THEMIS2: variants seen among roughly 807,000 people sequenced by gnomAD.
THEMIS2 encodes the protein protein THEMIS2.
In THEMIS2, 29 loss-of-function variants were observed where a neutral mutation model predicts 46.8. The observed-to-expected ratio is 0.62, with a 90% confidence interval of 0.46 to 0.84. The LOEUF (loss-of-function observed/expected upper bound fraction) is 0.84, where lower values mean the gene tolerates loss of function less well. Among genes scored for constraint, THEMIS2 ranks in the 40% least tolerant of loss-of-function variants. The pLI is 0.00. For synonymous variants in THEMIS2, 335 were observed against 349.1 expected (o/e 0.96, Z 0.45); for missense variants, 698 against 834.7 (o/e 0.84, Z 2.02).
chr1:27,882,535 A>G lies in THEMIS2; in HGVS notation c.1211A>G (p.Glu404Gly), dbSNP rs1571589261. 6.2e-7 allele frequency: 1 copy of G among 1,613,878 alleles called. No individual in the cohort carries two copies. Among genetic ancestry groups the G allele is most frequent in the Non-Finnish European group, 8.5e-7 (1 of 1,179,926 alleles). The change falls in exon 4 of 6, where the codon GAG (glutamate) becomes GGG (glycine). Residue 404 changes from glutamate to glycine, a missense_variant. Glu to Gly is a moderately conservative substitution (Grantham distance 98). Transcript: ENST00000373921. This position sits in a 1 kb window ranked among gnomAD's most constrained non-coding sequence, Gnocchi z 7.6. Reference protein sequence around the residue: ...VCQRLSDQAGEDEEEECKEEA... With the variant: ...VCQRLSDQAGGDEEEECKEEA... ...CAGCGGCTGAGTGACCAGGCTGGGGAGGATGAGGAGGAAGAGTGCAAAGAG... is the reference window on the plus strand; with the variant it reads ...CAGCGGCTGAGTGACCAGGCTGGGGGGGATGAGGAGGAAGAGTGCAAAGAG...
Position 27,882,316 on chromosome 1 carries a change from T to C in THEMIS2, c.992T>C (p.Phe331Ser). ...QGKLRRRPRE[F>S]PTAYDLLGAF... ...AAGCTGCGGCGGCGGCCAAGGGAGT[T>C]CCCCACGGCCTATGACCTCCTAGGT... is the stretch of plus-strand genomic sequence containing the variant. The change falls in exon 4 of 6, where the codon TTC (phenylalanine) becomes TCC (serine). Residue 331 changes from phenylalanine to serine, a missense_variant. Physicochemically the swap from Phe to Ser is radical, Grantham distance 155 (BLOSUM62 -2). Transcript: ENST00000373921. This position sits in a 1 kb window ranked among gnomAD's most constrained non-coding sequence, Gnocchi z 7.6. 1.3e-6 allele frequency: 2 copies of C among 1,594,234 alleles called. No individual in the cohort carries two copies. Among genetic ancestry groups the C allele is most frequent in the Non-Finnish European group, 1.7e-6 (2 of 1,168,890 alleles).
rs547985559 is a variant in THEMIS2, at chr1:27,876,583, C to T, written c.95-5C>T. 36 of 1,613,250 alleles carry T rather than the reference C, an allele frequency of 2.2e-5. No individual in the cohort carries two copies. Among genetic ancestry groups the T allele is most frequent in the South Asian group, 3.3e-5 (3 of 90,904 alleles). On this transcript the variant is annotated splice_region_variant and splice_polypyrimidine_tract_variant and intron_variant, in intron 1 of 5. Coordinates refer to ENST00000373921, the MANE Select transcript of THEMIS2 (RefSeq NM_001105556.3). ...AATGGGGAAATGGAGTCCTTGTCTCCGCAGGCTCCATCTATGAGATCTCTG... is the reference window on the plus strand; with the variant it reads ...AATGGGGAAATGGAGTCCTTGTCTCTGCAGGCTCCATCTATGAGATCTCTG...
In THEMIS2 at chr1:27,886,019, A is replaced by G. The variant is rs2089765590; in HGVS notation, c.*97A>G. 1.7e-6 allele frequency: 2 copies of G among 1,173,678 alleles called. No homozygotes were observed. The highest frequency in any genetic ancestry group is 2.5e-6 in the Non-Finnish European group (2 of 789,640). The allele number at this position is 1,173,678 out of a possible 1,614,324, so 72.7% of individuals were successfully genotyped here. ...CTAAAAGACCTCGGGCAAGTCTCAC[A>G]GAAACTGAGCTGCAGACGGGGAGTA... On this transcript the variant is annotated 3_prime_UTR_variant, in exon 6 of 6. Coordinates refer to ENST00000373921, the MANE Select transcript of THEMIS2 (RefSeq NM_001105556.3).
At position 27,872,578 on chromosome 1, in the gene THEMIS2, C is replaced by G. The variant is rs1422209548; in HGVS notation, c.7C>G (p.Pro3Ala). 3 of 1,489,034 alleles carry G rather than the reference C, an allele frequency of 2.0e-6. No homozygotes were observed. The highest frequency in any genetic ancestry group is 4.4e-5 in the Admixed American group (2 of 45,394). 92.2% of individuals were successfully genotyped at this position (1,489,034 alleles called of 1,614,324 possible). A position where few individuals can be genotyped will look rare whatever the true frequency, so the allele number is the denominator to read the frequency against. The change falls in exon 1 of 6, where the codon CCG (proline) becomes GCG (alanine). Residue 3 changes from proline (P) to alanine (A), a missense_variant. Transcript: ENST00000373921. This position sits in a 1 kb window ranked among gnomAD's most constrained non-coding sequence, Gnocchi z 4.9. ...CCAGAGAGCCGCGGGGACCATGGAG[C>G]CGGTGCCGCTGCAGGACTTCGTGCG... is the stretch of plus-strand genomic sequence containing the variant. MEPVPLQDFVRAL... is the reference protein window; with the variant it reads MEAVPLQDFVRAL...
intron 2 of THEMIS2, among the ~76,000 whole-genome samples, chr1:27,878,015 T>TG (rs1330892214): frequency 2.8e-5 from 4 of 144,496 alleles, no homozygotes; most frequent in Admixed American, 1.4e-4. Flanking sequence ...CTAGGGGTGG[T>TG]GGGGGGCACC....
At chr1:27,876,475 A>T (rs2089581376) in intron 1 of THEMIS2, 113 bp from the exon 2 acceptor site, 2 of 1,319,942 alleles carry the variant, frequency 1.5e-6, no homozygotes, top group African/African-American at 2.9e-5. Flanking sequence ...CATGCCAGGC[A>T]GCAGGCACCA....
chr1:27,875,973 A>G (rs1287965448), intron 1 of THEMIS2, among the ~76,000 whole-genome samples: 2 of 152,014 alleles, frequency 1.3e-5, no homozygotes, highest in Non-Finnish European at 2.9e-5. Flanking sequence ...AAGTGCTGGG[A>G]TTACAGGCGT....
chr1:27,875,802 G>T (rs193132080), intron 1 of THEMIS2, among the ~76,000 whole-genome samples: 2 of 151,952 alleles, frequency 1.3e-5, no homozygotes, highest in East Asian at 1.9e-4. Context: ...CCGGGTTCAC[G>T]CCATTCTCCT....
At chr1:27,885,149 A>T in intron 4 of THEMIS2, 146 bp from the exon 5 acceptor site, 1 of 787,028 alleles carries the variant, frequency 1.3e-6, no homozygotes, top group Non-Finnish European at 2.0e-6. Context: ...TGTAGCAAAA[A>T]CACCAGGGGT....
chr1:27,884,260 CCA>C (rs1244121921), intron 4 of THEMIS2: 1 of 152,294 alleles, frequency 6.6e-6, no homozygotes, highest in Non-Finnish European at 1.5e-5. Flanking sequence ...TTGGGTCTGA[CCA>C]CACAGCCTGA....
chr1:27,881,140 A>T (rs2089671368), intron 3 of THEMIS2, among the ~76,000 whole-genome samples: 1 of 152,038 alleles, frequency 6.6e-6, no homozygotes, highest in Admixed American at 6.5e-5. Context: ...GAAAAAAAAT[A>T]AAAATAGTAA....
At chr1:27,876,865 A>C (rs1571578716) in intron 2 of THEMIS2, 137 bp downstream of exon 2, 5 of 1,083,620 alleles carry the variant, frequency 4.6e-6, no homozygotes, top group African/African-American at 1.6e-5. Flanking sequence ...ATTCACCACA[A>C]CCCAGCCTCA....
chr1:27,884,022 G>GA (rs1339865405), intron 4 of THEMIS2: 1 of 151,976 alleles, frequency 6.6e-6, no homozygotes. Context: ...ACTCCTCCGA[G>GA]CGTCCTTTTT....
intron 2 of THEMIS2, among the ~76,000 whole-genome samples, chr1:27,878,465 G>A (rs543164798): frequency 1.5e-4 from 23 of 149,920 alleles, no homozygotes; most frequent in Non-Finnish European, 1.5e-4. Flanking sequence ...CATTACAGGC[G>A]TGAGCCAGTG....
chr1:27,884,285 CGTG>C (rs1557454873), intron 4 of THEMIS2: 1 of 152,252 alleles, frequency 6.6e-6, no homozygotes, highest in African/African-American at 2.4e-5. Context: ...TTCTAACTAC[CGTG>C]GTCTGCTGAG....
chr1:27,884,370 C>T lies in THEMIS2; in HGVS notation c.1720-925C>T, dbSNP rs114886419. ...TCTTGTTTTGGGATCTTGGGTGACT[C>T]GTATTTAATCACGTGTGGTAGGCAG... On this transcript the variant is annotated intron_variant, in intron 4 of 5. Transcript: ENST00000373921. 3.2e-3 allele frequency: 486 copies of T among 152,330 alleles called. 1 individual carries two copies. The highest frequency in any genetic ancestry group is 0.01 in the African/African-American group (435 of 41,546). The allele number at this position is 152,330 out of a possible 1,614,324, so 9.4% of individuals were successfully genotyped here.
rs373684077 is a variant in THEMIS2, at chr1:27,885,408, C to G, written c.1833C>G (p.His611Gln). The change falls in exon 5 of 6, where the codon CAC becomes CAG. Residue 611 changes from histidine (H) to glutamine (Q), a missense_variant. Physicochemically the swap from His to Gln is conservative, Grantham distance 24. Coordinates refer to ENST00000373921, the MANE Select transcript of THEMIS2 (RefSeq NM_001105556.3). ...GTACGTACAGCAAGATTCCTGCCCA[C>G]AGGAAGGGCCACAGGCCCGCTAAGC... ...GSSTYSKIPA[H>Q]RKGHRPAKPQ... 8.0e-5 allele frequency: 129 copies of G among 1,614,050 alleles called. No individual in the cohort carries two copies. The highest frequency in any genetic ancestry group is 1.0e-4 in the Non-Finnish European group (122 of 1,180,022).
At chr1:27,876,292 C>T (rs933736562) in intron 1 of THEMIS2, among the ~76,000 whole-genome samples, 2 of 152,014 alleles carry the variant, frequency 1.3e-5, no homozygotes, top group Admixed American at 6.6e-5. Flanking sequence ...CCTGTGCTGG[C>T]TGCAGTGATG....
rs1260211150 is a variant in THEMIS2 at position 27,882,575 on chromosome 1, A to G, written c.1251A>G (p.Pro417=). 6.2e-7 allele frequency: 1 copy of G among 1,614,032 alleles called. No homozygotes were observed. Among genetic ancestry groups the G allele is most frequent in the Non-Finnish European group, 8.5e-7 (1 of 1,180,030 alleles). Residue 417 remains proline (P), a synonymous_variant, in exon 4 of 6, where the codon CCA becomes CCG. Transcript: ENST00000373921. The surrounding 1 kb of genome is among the most constrained non-coding windows in gnomAD (Gnocchi z 7.6). The part of the protein sequence containing the change: ...EEECKEEAES[P]ERVLLPFHFP... ...AGTGCAAAGAGGAGGCAGAGAGCCC[A>G]GAGCGGGTCCTGCTGCCCTTCCACT...
Sources: gnomAD v4.1 joint callset for allele counts (sites outside exome capture counted in the v4.1 genomes callset) on GRCh38, gnomAD v4.1.1 for gene constraint, Gnocchi (gnomAD v3.1) non-coding constraint, MANE v1.5 for transcripts, NCBI Gene and HGNC (gene_info 2026-07-23, HGNC 2026-07-21) for gene names.